The following PVT1 variants were observed in gnomAD, a reference collection of about 807,000 sequenced individuals.
The protein encoded by PVT1 is CXCR4/PVT1 fusion.
intron 3 of PVT1, among the ~76,000 whole-genome samples, chr8:127,961,721 G>A (rs538475462): frequency 6.6e-6 from 1 of 152,208 alleles, no homozygotes; most frequent in African/African-American, 2.4e-5. Context: ...GGATTGTTTT[G>A]CCAGACTAAA....
intron 4 of PVT1, among the ~76,000 whole-genome samples, chr8:127,991,557 T>C (rs1191584165): frequency 1.3e-5 from 2 of 151,976 alleles, no homozygotes; most frequent in African/African-American, 4.8e-5. Context: ...AACAAGCTAT[T>C]CTCATATTGG....
intron 2 of PVT1, among the ~76,000 whole-genome samples, chr8:127,861,335 G>A (rs1263260359): frequency 1.3e-5 from 2 of 152,162 alleles, no homozygotes; most frequent in Non-Finnish European, 2.9e-5. Context: ...CAGGCTGGGC[G>A]CCGTGGCTCA....
intron 3 of PVT1, among the ~76,000 whole-genome samples, chr8:127,918,069 G>A (rs975526657): frequency 6.6e-6 from 1 of 152,246 alleles, no homozygotes; most frequent in Non-Finnish European, 1.5e-5. Flanking sequence ...CATTTGTGCT[G>A]AGACCTCATG....
chr8:128,044,938 C>T (rs1586495829), intron 4 of PVT1, among the ~76,000 whole-genome samples: 2 of 152,196 alleles, frequency 1.3e-5, no homozygotes, highest in East Asian at 3.8e-4. Context: ...ATGTAGTTGA[C>T]ATACACTACT....
intron 2 of PVT1, among the ~76,000 whole-genome samples, chr8:127,842,461 T>C (rs1193523702): frequency 3.3e-5 from 5 of 152,064 alleles, no homozygotes; most frequent in African/African-American, 1.2e-4. Flanking sequence ...AGATAGGGTC[T>C]CTCTTTGTTG....
intron 2 of PVT1, among the ~76,000 whole-genome samples, chr8:127,866,198 G>T (rs1815285108): frequency 6.6e-6 from 1 of 152,136 alleles, no homozygotes; most frequent in African/African-American, 2.4e-5. Flanking sequence ...TCCTCAAGCT[G>T]ATCATATCTG....
intron 6 of PVT1, among the ~76,000 whole-genome samples, chr8:128,098,434 C>A (rs554581717): frequency 6.6e-6 from 1 of 152,132 alleles, no homozygotes; most frequent in East Asian, 1.9e-4. Flanking sequence ...TTTCAAGTCA[C>A]CCTTGTCCCC....
chr8:127,990,346 C>G (rs1038906196), intron 4 of PVT1, among the ~76,000 whole-genome samples: 1 of 152,214 alleles, frequency 6.6e-6, no homozygotes, highest in African/African-American at 2.4e-5. Flanking sequence ...CTGTCTTACA[C>G]ATCACAGGAT....
chr8:127,991,207 A>G (rs890906375), intron 4 of PVT1, among the ~76,000 whole-genome samples: 51 of 142,964 alleles, frequency 3.6e-4, no homozygotes, highest in African/African-American at 1.2e-3. Context: ...CAGTGGCGCA[A>G]TCTCGGCTCA....
intron 4 of PVT1, among the ~76,000 whole-genome samples, chr8:128,004,751 C>T (rs976283690): frequency 6.6e-6 from 1 of 152,182 alleles, no homozygotes; most frequent in African/African-American, 2.4e-5. Flanking sequence ...GTTACTTTCC[C>T]TCTCTGATTT....
intron 5 of PVT1, among the ~76,000 whole-genome samples, chr8:128,086,306 G>C (rs1814254258): frequency 6.6e-6 from 1 of 152,160 alleles, no homozygotes; most frequent in African/African-American, 2.4e-5. Context: ...CACATCTAGG[G>C]GGACAGAAGC....
chr8:127,866,995 C>G (rs146553547), intron 2 of PVT1, among the ~76,000 whole-genome samples: 40 of 152,340 alleles, frequency 2.6e-4, no homozygotes, highest in Non-Finnish European at 5.3e-4. Context: ...TAGAGGATGA[C>G]TTGAAACCCA....
In PVT1 at chr8:128,014,590, CGA is replaced by C. The variant is rs1817350746; in HGVS notation, n.912+25300_912+25301del. Among the ~76,000 whole-genome samples the C allele has an allele frequency of 2.6e-5, 4 of 152,284 alleles. No homozygotes were observed. In the South Asian group the frequency reaches 8.3e-4, roughly 32 times the overall value. ...GCCGTGGGCGGTGCTGATAATGAACCGAACAGAGAACACAGACTTGGCGGGGA... is the reference window on the plus strand; with the variant it reads ...GCCGTGGGCGGTGCTGATAATGAACCACAGAGAACACAGACTTGGCGGGGA... On this transcript the variant is annotated intron_variant and non_coding_transcript_variant, in intron 4 of 10. Coordinates refer to ENST00000651587, the Ensembl canonical transcript of PVT1.
At chr8:128,071,504 G>T in intron 5 of PVT1, among the ~76,000 whole-genome samples, 1 of 151,508 alleles carries the variant, frequency 6.6e-6, no homozygotes, top group Non-Finnish European at 1.5e-5. Context: ...CAACTAAGGA[G>T]ACCCCCATCT....
At chr8:127,845,052 G>A (rs60864660) in intron 2 of PVT1, among the ~76,000 whole-genome samples, 1 of 152,192 alleles carries the variant, frequency 6.6e-6, no homozygotes, top group African/African-American at 2.4e-5. Context: ...CTGGGACAGC[G>A]CCTGGAACCT....
At chr8:128,086,853 T>C (rs1273860189) in intron 5 of PVT1, among the ~76,000 whole-genome samples, 2 of 152,234 alleles carry the variant, frequency 1.3e-5, no homozygotes, top group Non-Finnish European at 2.9e-5. Context: ...CCTGGAATTG[T>C]TGGGAGTGGT....
At chr8:127,879,578 C>T (rs1320850348) in intron 2 of PVT1, among the ~76,000 whole-genome samples, 4 of 152,096 alleles carry the variant, frequency 2.6e-5, no homozygotes, top group East Asian at 1.9e-4. Flanking sequence ...ACAAAGTCTC[C>T]GGAGGCAGTG....
At chr8:127,812,232 C>CAGGAGGGA (rs1814603484) in intron 2 of PVT1, among the ~76,000 whole-genome samples, 1 of 129,994 alleles carries the variant, frequency 7.7e-6, no homozygotes, top group African/African-American at 3.4e-5. Flanking sequence ...GGCAGGAAGG[C>CAGGAGGGA]AGGAAGGAAG....
At chr8:127,842,438 A>T (rs933339791) in intron 2 of PVT1, among the ~76,000 whole-genome samples, 1 of 151,198 alleles carries the variant, frequency 6.6e-6, no homozygotes, top group African/African-American at 2.4e-5. Flanking sequence ...TTTAATTTAA[A>T]TTTTTTTTGT....
Sources: gnomAD v4.1 joint callset for allele counts (sites outside exome capture counted in the v4.1 genomes callset) on GRCh38, gnomAD v4.1.1 for gene constraint, MANE v1.5 for transcripts, NCBI Gene and HGNC (gene_info 2026-07-23, HGNC 2026-07-21) for gene names.